The following GMNC variants were observed in gnomAD, a reference collection of about 807,000 sequenced individuals.
GMNC encodes geminin coiled-coil domain-containing protein 1.
Under a neutral mutation model 33.6 loss-of-function variants are expected in GMNC, and 16 were observed. That is an observed-to-expected ratio of 0.48 (90% CI 0.32 to 0.72). The LOEUF (loss-of-function observed/expected upper bound fraction) is 0.72, where lower values mean the gene tolerates loss of function less well. Among genes scored for constraint, GMNC ranks in the 30% least tolerant of loss-of-function variants. The pLI is 0.03. For missense variants in GMNC, 393 were observed against 388.9 expected, an observed-to-expected ratio of 1.01 and a Z score of -0.09; for synonymous variants, 156 against 147.3, an observed-to-expected ratio of 1.06 and a Z score of -0.43.
chr3:190,860,739 G>C lies in GMNC; in HGVS notation c.123C>G (p.Phe41Leu), dbSNP rs1167763420. ...VDVSTETWVS[F>L]WAAGLLDNRE... ...TGTTGTCCAGGAGACCAGCAGCCCAGAAAGAGACCCAAGTCTCCGTGGAAA... is the reference window on the plus strand; with the variant it reads ...TGTTGTCCAGGAGACCAGCAGCCCACAAAGAGACCCAAGTCTCCGTGGAAA... The change falls in exon 2 of 5, where the codon TTC becomes TTG. Residue 41 changes from phenylalanine to leucine, a missense_variant. Phe to Leu is a conservative substitution (Grantham distance 22). Coordinates refer to ENST00000442080, the MANE Select transcript of GMNC (RefSeq NM_001146686.3). 3 of 1,551,464 alleles carry C rather than the reference G, an allele frequency of 1.9e-6. No individual in the cohort carries two copies. The African/African-American group carries it at 4.1e-5, about 21-fold the overall frequency.
chr3:190,862,510 G>T lies in GMNC; in HGVS notation c.3+103C>A. The T allele has an allele frequency of 1.1e-6, 1 of 877,006 alleles. No individual in the cohort carries two copies. The highest frequency in any genetic ancestry group is 1.9e-6 in the Non-Finnish European group (1 of 530,362). The allele number at this position is 877,006 out of a possible 1,614,324, so 54.3% of individuals were successfully genotyped here. Reference sequence around the variant, plus strand: ...TCTGTTTTAACTGGCGGGTAGCGGAGAAATCTTGCTCCGAAGGTGGAATAA... The same window carrying T: ...TCTGTTTTAACTGGCGGGTAGCGGATAAATCTTGCTCCGAAGGTGGAATAA... On this transcript the variant is annotated intron_variant, in intron 1 of 4. Coordinates refer to ENST00000442080, the MANE Select transcript of GMNC (RefSeq NM_001146686.3). This position sits in a 1 kb window ranked among gnomAD's most constrained non-coding sequence, Gnocchi z 4.5.
At chr3:190,848,688 A>T (rs769396565), downstream of GMNC, among the ~76,000 whole-genome samples, 3 of 150,360 alleles carry the variant, frequency 2.0e-5, no homozygotes, top group Non-Finnish European at 4.4e-5. Flanking sequence ...TCGAGGATGT[A>T]TGATAGAAAT....
At position 190,861,419 on chromosome 3, in the gene GMNC, CCAT is replaced by C. The variant is rs1271980091; in HGVS notation, c.4-564_4-562del. Among the ~76,000 whole-genome samples, 1 of 151,786 alleles carries C rather than the reference CCAT, an allele frequency of 6.6e-6. No homozygotes were observed. Among genetic ancestry groups the C allele is most frequent in the Non-Finnish European group, 1.5e-5 (1 of 68,004 alleles). On this transcript the variant is annotated intron_variant, in intron 1 of 4. Coordinates refer to ENST00000442080, the MANE Select transcript of GMNC (RefSeq NM_001146686.3). The surrounding 1 kb of genome is among the most constrained non-coding windows in gnomAD (Gnocchi z 5.1). ...ACCTAACATACTGCTGGCTCATAGT[CCAT>C]CAATCTATCTGTCTGTCTGTCTGTC... is the stretch of plus-strand genomic sequence containing the variant.
At chr3:190,847,115 G>A in the GMNC span, among the ~76,000 whole-genome samples, 1 of 152,142 alleles carries the variant, frequency 6.6e-6, no homozygotes, top group Non-Finnish European at 1.5e-5. Context: ...TGCTTCCCTG[G>A]ATAACATGAC....
chr3:190,849,292 G>A (rs144938423), downstream of GMNC, among the ~76,000 whole-genome samples: 5 of 152,296 alleles, frequency 3.3e-5, no homozygotes, highest in East Asian at 5.8e-4. Flanking sequence ...GTGCACACAC[G>A]GCTCTATTCA....
Position 190,860,775 on chromosome 3 carries a change from A to T in GMNC, c.87T>A (p.Ser29=). ...AAGTCTCCGTGGAAACGTCAACACTAGATTCTGACGTTGTAGTGGAATACG... is the reference window on the plus strand; with the variant it reads ...AAGTCTCCGTGGAAACGTCAACACTTGATTCTGACGTTGTAGTGGAATACG... The part of the protein sequence containing the change: ...NCPYSTTTSE[S]SVDVSTETWV... The change falls in exon 2 of 5, where the codon TCT becomes TCA. Residue 29 remains serine (S), a synonymous_variant. Coordinates refer to ENST00000442080, the MANE Select transcript of GMNC (RefSeq NM_001146686.3). The T allele has an allele frequency of 6.4e-7, 1 of 1,550,920 alleles. No homozygotes were observed. The highest frequency in any genetic ancestry group is 8.7e-7 in the Non-Finnish European group (1 of 1,146,334).
At chr3:190,858,078 G>T (rs969531234) in intron 3 of GMNC, 179 bp from the exon 4 acceptor site, 1 of 588,136 alleles carries the variant, frequency 1.7e-6, no homozygotes, top group Admixed American at 2.9e-5. Context: ...ATGCCTAGTT[G>T]TTCAGCTTTG....
chr3:190,846,680 C>G, the GMNC span, among the ~76,000 whole-genome samples: 1 of 152,138 alleles, frequency 6.6e-6, no homozygotes, highest in African/African-American at 2.4e-5. Flanking sequence ...CAGTTCATCT[C>G]AAAAAGCCTA....
chr3:190,846,254 A>C, the GMNC span, among the ~76,000 whole-genome samples: 1 of 152,150 alleles, frequency 6.6e-6, no homozygotes, highest in East Asian at 1.9e-4. Context: ...GAAAGAAAAG[A>C]AAAAAGAAAA....
chr3:190,860,933 G>A (rs1388387375), intron 1 of GMNC, 75 bp from the exon 2 acceptor site: 19 of 1,049,490 alleles, frequency 1.8e-5, no homozygotes, highest in South Asian at 3.8e-5. Context: ...GGGAAAGGGT[G>A]GGAGAAATAC....
rs1280164662 is a variant in GMNC at position 190,862,083 on chromosome 3, C to T, written c.3+530G>A. The stretch of plus-strand genomic sequence containing the variant: ...TTGGGCAGTGCAGACCAAAGAAATT[C>T]AGCCAAAAGTTTATCAAGTGCAATT... On this transcript the variant is annotated intron_variant, in intron 1 of 4. Coordinates refer to ENST00000442080, the MANE Select transcript of GMNC (RefSeq NM_001146686.3). This position sits in a 1 kb window ranked among gnomAD's most constrained non-coding sequence, Gnocchi z 4.5. Among the ~76,000 whole-genome samples, 2 of 152,124 alleles carry T rather than the reference C, an allele frequency of 1.3e-5. No homozygotes were observed. The highest frequency in any genetic ancestry group is 2.9e-5 in the Non-Finnish European group (2 of 68,024).
In GMNC at chr3:190,855,842, T is replaced by G. The variant is rs1737722578; in HGVS notation, c.458A>C (p.Gln153Pro). ...FRKGKRKSKE[Q>P]RYSPAEIPHP... ...GGGAATCTCAGCAGGAGAGTATCTTTGCTCTTTGGATTTTCTCTTCCCCTT... is the reference window on the plus strand; with the variant it reads ...GGGAATCTCAGCAGGAGAGTATCTTGGCTCTTTGGATTTTCTCTTCCCCTT... Residue 153 changes from glutamine (Q) to proline (P), a missense_variant, in exon 5 of 5, where the codon CAA becomes CCA. Coordinates refer to ENST00000442080, the MANE Select transcript of GMNC (RefSeq NM_001146686.3). The G allele has an allele frequency of 1.9e-6, 3 of 1,551,266 alleles. No homozygotes were observed. The highest frequency in any genetic ancestry group is 2.6e-6 in the Non-Finnish European group (3 of 1,146,630).
chr3:190,846,908 A>G, the GMNC span, among the ~76,000 whole-genome samples: 1,080 of 152,302 alleles, frequency 7.1e-3, 17 homozygotes, highest in African/African-American at 0.024. Context: ...ATGTGTTTTA[A>G]ACTTTAATCT....
At position 190,855,358 on chromosome 3, in the gene GMNC, T is replaced by C. The variant is rs766751250; in HGVS notation, c.942A>G (p.Gln314=). 41 of 1,551,754 alleles carry C rather than the reference T, an allele frequency of 2.6e-5. No homozygotes were observed. Among genetic ancestry groups the C allele is most frequent in the Non-Finnish European group, 2.6e-6 (3 of 1,146,918 alleles). Residue 314 remains glutamine, a synonymous_variant, in exon 5 of 5, where the codon CAA becomes CAG. Transcript: ENST00000442080. ...NVKTHSFHQG[Q]AFVRRDEEGG... is the part of the protein sequence containing the mutation. ...CCTCCTCATCTCGACGCACAAAGGCTTGTCCCTGGTGGAAGGAATGAGTTT... is the reference window on the plus strand; with the variant it reads ...CCTCCTCATCTCGACGCACAAAGGCCTGTCCCTGGTGGAAGGAATGAGTTT...
Position 190,852,914 on chromosome 3 carries a change from C to A in GMNC, c.*2381G>T, listed in dbSNP as rs1325791755. The A allele has an allele frequency of 6.6e-6, 1 of 151,944 alleles. No homozygotes were observed. The highest frequency in any genetic ancestry group is 1.9e-4 in the East Asian group (1 of 5,192). The allele number at this position is 151,944 out of a possible 1,614,324, so 9.4% of individuals were successfully genotyped here. ...AAATGTTTAATTTCTAAAACATGAACAAAATAATTTTCTATACATAATTTA... is the reference window on the plus strand; with the variant it reads ...AAATGTTTAATTTCTAAAACATGAAAAAAATAATTTTCTATACATAATTTA... On this transcript the variant is annotated 3_prime_UTR_variant, in exon 5 of 5. Transcript: ENST00000442080.
chr3:190,848,904 G>A (rs753924903), downstream of GMNC, among the ~76,000 whole-genome samples: 10 of 152,102 alleles, frequency 6.6e-5, no homozygotes, highest in Non-Finnish European at 1.5e-4. Context: ...CTGCACTGTA[G>A]GAAAGGGAGT....
In GMNC at chr3:190,861,326, A is replaced by G. The variant is rs1184878228; in HGVS notation, c.4-468T>C. Among the ~76,000 whole-genome samples the G allele has an allele frequency of 6.6e-6, 1 of 152,236 alleles. No individual in the cohort carries two copies. Among genetic ancestry groups the G allele is most frequent in the Non-Finnish European group, 1.5e-5 (1 of 68,040 alleles). ...AAAGCTGAAATGGATGTGACATAAT[A>G]TAGACTAACGTCTTCATTTTTGTTT... On this transcript the variant is annotated intron_variant, in intron 1 of 4. Transcript: ENST00000442080. The surrounding 1 kb of genome is among the most constrained non-coding windows in gnomAD (Gnocchi z 5.1).
chr3:190,856,218 T>C (rs912487035), intron 4 of GMNC, among the ~76,000 whole-genome samples: 1 of 133,060 alleles, frequency 7.5e-6, no homozygotes. Context: ...AAATAAACTA[T>C]CATTTATTTA....
At chr3:190,859,780 C>T (rs1215303354) in intron 2 of GMNC, 1 of 449,474 alleles carries the variant, frequency 2.2e-6, no homozygotes, top group Admixed American at 2.4e-5. Flanking sequence ...TCATCTAGTA[C>T]AGTTTAGACT....
Sources: gnomAD v4.1 joint callset for allele counts (sites outside exome capture counted in the v4.1 genomes callset) on GRCh38, gnomAD v4.1.1 for gene constraint, Gnocchi (gnomAD v3.1) non-coding constraint, MANE v1.5 for transcripts, NCBI Gene and HGNC (gene_info 2026-07-23, HGNC 2026-07-21) for gene names.